The following BCL2 variants were observed in gnomAD, a reference collection of about 807,000 sequenced individuals.
The protein encoded by BCL2 is apoptosis regulator Bcl-2.
BCL2 carries 1 observed loss-of-function variant against 14.2 expected under a neutral mutation model. The ratio of observed to expected loss-of-function variants is 0.07; its 90% CI spans 0.02 to 0.33. The LOEUF is 0.33. Ranked by LOEUF, BCL2 falls within the 10% of genes least tolerant of loss-of-function variation. The probability of loss-of-function intolerance (pLI) is 0.99; values close to 1 mark genes in which losing one functional copy is unlikely to be tolerated. For synonymous variants in BCL2, 151 were observed against 137.2 expected, an observed-to-expected ratio of 1.10 and a Z score of -0.70; for missense variants, 247 against 305.9, an observed-to-expected ratio of 0.81 and a Z score of 1.44.
At position 63,275,234 on chromosome 18, in the gene BCL2, CAAA is replaced by C. The variant is rs967015967; in HGVS notation, c.585+42845_585+42847del. Among the ~76,000 whole-genome samples the C allele has an allele frequency of 3.9e-4, 41 of 106,478 alleles. No homozygotes were observed. In the East Asian group the frequency reaches 9.2e-3, roughly 24 times the overall value. 69.9% of individuals were successfully genotyped at this position (106,478 alleles called of 152,430 possible). On this transcript the variant is annotated intron_variant, in intron 2 of 2. Coordinates refer to ENST00000333681, the MANE Select transcript of BCL2 (RefSeq NM_000633.3). ...TGGGTGACAGAGTCAGACCCTGTCTCAAAAAAAAAAAAAAGGGAAATAATTTTC... is the reference window on the plus strand; with the variant it reads ...TGGGTGACAGAGTCAGACCCTGTCTCAAAAAAAAAAAGGGAAATAATTTTC...
At chr18:63,243,742 C>A (rs1421563087) in intron 2 of BCL2, among the ~76,000 whole-genome samples, 1 of 152,022 alleles carries the variant, frequency 6.6e-6, no homozygotes, top group Admixed American at 6.5e-5. Context: ...AGAACACAAA[C>A]CAATGGCTCA....
In BCL2 at chr18:63,232,068, AC is replaced by A. The variant is rs752906026; in HGVS notation, c.585+86013del. ...GATAGCATTACAAACTATGGGGAAA[AC>A]AAAAACTAAACTAATAGGTGGTTCG... On this transcript the variant is annotated intron_variant, in intron 2 of 2. Coordinates refer to ENST00000333681, the MANE Select transcript of BCL2 (RefSeq NM_000633.3). 5.6e-3 allele frequency among the ~76,000 whole-genome samples: 846 copies of A among 151,832 alleles called. 9 individuals carry two copies. Among genetic ancestry groups the A allele is most frequent in the African/African-American group, 0.019 (796 of 41,448 alleles).
chr18:63,174,820 C>CAAA lies in BCL2; in HGVS notation c.586-46064_586-46062dup, dbSNP rs953107518. On this transcript the variant is annotated intron_variant, in intron 2 of 2. Transcript: ENST00000333681. ...GGGGGACAAGAGTGAGACTTTGTCT[C>CAAA]AAAAAAAAAAAAAAAAAAAAGCATT... is the stretch of plus-strand genomic sequence containing the variant. Among the ~76,000 whole-genome samples the CAAA allele has an allele frequency of 5.8e-4, 42 of 72,220 alleles. 1 individual carries two copies. Among genetic ancestry groups the CAAA allele is most frequent in the African/African-American group, 1.3e-3 (29 of 22,248 alleles). The allele number at this position is 72,220 out of a possible 152,430, so 47.4% of individuals were successfully genotyped here.
intron 2 of BCL2, among the ~76,000 whole-genome samples, chr18:63,296,794 AT>A (rs915070077): frequency 5.9e-5 from 9 of 152,238 alleles, no homozygotes; most frequent in Non-Finnish European, 1.2e-4. Context: ...ACTGTAGCTC[AT>A]TGAAGAAAAA....
rs935466045 is a variant in BCL2 at position 63,206,276 on chromosome 18, C to T, written c.586-77517G>A. ...CACACGCAGACGATAAGCACCGTGG[C>T]CAATACCCAAGCGTTAGATAATTAA... On this transcript the variant is annotated intron_variant, in intron 2 of 2. Transcript: ENST00000333681. Among the ~76,000 whole-genome samples, 4 of 152,184 alleles carry T rather than the reference C, an allele frequency of 2.6e-5. No homozygotes were observed. The East Asian group carries it at 5.8e-4, about 22-fold the overall frequency.
intron 2 of BCL2, among the ~76,000 whole-genome samples, chr18:63,272,329 A>T (rs905836987): frequency 6.6e-6 from 1 of 152,226 alleles, no homozygotes; most frequent in African/African-American, 2.4e-5. Context: ...GACACTGGCC[A>T]TTACAGGAGG....
chr18:63,268,030 A>G (rs1911886306), intron 2 of BCL2, among the ~76,000 whole-genome samples: 1 of 152,198 alleles, frequency 6.6e-6, no homozygotes, highest in African/African-American at 2.4e-5. Flanking sequence ...TATTTTCTCT[A>G]ACATTCCTGC....
chr18:63,175,043 C>T (rs182171019), intron 2 of BCL2, among the ~76,000 whole-genome samples: 15 of 152,286 alleles, frequency 9.8e-5, no homozygotes, highest in Non-Finnish European at 1.5e-4. Flanking sequence ...CACATTTTGT[C>T]AAAAGCCACC....
intron 2 of BCL2, among the ~76,000 whole-genome samples, chr18:63,208,452 C>T (rs1041152543): frequency 1.3e-5 from 2 of 151,986 alleles, no homozygotes; most frequent in African/African-American, 4.8e-5. Context: ...TACAAGGGGA[C>T]ATGGTATATT....
At position 63,128,506 on chromosome 18, in the gene BCL2, G is replaced by A. The variant is rs1913975189; in HGVS notation, c.*119C>T. 3 of 657,458 alleles carry A rather than the reference G, an allele frequency of 4.6e-6. No homozygotes were observed. The highest frequency in any genetic ancestry group is 2.5e-5 in the East Asian group (1 of 39,508). 40.7% of individuals were successfully genotyped at this position (657,458 alleles called of 1,614,324 possible). ...GTCTGTGTGTGTGATGTTTATATGT[G>A]TGTTATTTTTTCTTAAACAGCCTGC... is the stretch of plus-strand genomic sequence containing the variant. On this transcript the variant is annotated 3_prime_UTR_variant, in exon 3 of 3. Transcript: ENST00000333681.
At chr18:63,284,218 T>C (rs1912399372) in intron 2 of BCL2, among the ~76,000 whole-genome samples, 1 of 152,190 alleles carries the variant, frequency 6.6e-6, no homozygotes, top group South Asian at 2.1e-4. Flanking sequence ...GCAGGATTTA[T>C]AACACTTCCT....
intron 2 of BCL2, among the ~76,000 whole-genome samples, chr18:63,203,898 C>CT (rs1248738799): frequency 6.6e-6 from 1 of 152,186 alleles, no homozygotes; most frequent in African/African-American, 2.4e-5. Flanking sequence ...TCTATTCTAG[C>CT]TTTCATGTTT....
At chr18:63,271,541 C>T (rs1384768889) in intron 2 of BCL2, among the ~76,000 whole-genome samples, 1 of 152,110 alleles carries the variant, frequency 6.6e-6, no homozygotes, top group East Asian at 1.9e-4. Context: ...ATGAACTCGC[C>T]GATTCAACTT....
intron 2 of BCL2, among the ~76,000 whole-genome samples, chr18:63,144,086 C>T (rs1469045492): frequency 6.6e-6 from 1 of 152,172 alleles, no homozygotes; most frequent in East Asian, 1.9e-4. Flanking sequence ...TTGCTATTTC[C>T]ACTGAGGAAA....
Position 63,318,922 on chromosome 18 carries a change from T to C in BCL2, c.-256A>G. The C allele has an allele frequency of 1.9e-5, 26 of 1,390,842 alleles. No homozygotes were observed. Among genetic ancestry groups the C allele is most frequent in the Non-Finnish European group, 2.4e-5 (26 of 1,067,396 alleles). 86.2% of individuals were successfully genotyped at this position (1,390,842 alleles called of 1,614,324 possible). A position where few individuals can be genotyped will look rare whatever the true frequency, so the allele number is the denominator to read the frequency against. On this transcript the variant is annotated 5_prime_UTR_variant, in exon 2 of 3. Coordinates refer to ENST00000333681, the MANE Select transcript of BCL2 (RefSeq NM_000633.3). This position sits in a 1 kb window ranked among gnomAD's most constrained non-coding sequence, Gnocchi z 7.4. ...TGAGGCACGTTATTATTAGTAAGTA[T>C]TGTTAATATCAGTCTACTTCCTCTG...
At chr18:63,132,714 T>C (rs990742085) in intron 2 of BCL2, among the ~76,000 whole-genome samples, 1 of 152,208 alleles carries the variant, frequency 6.6e-6, no homozygotes, top group Non-Finnish European at 1.5e-5. Flanking sequence ...TCGTAGAAAG[T>C]CTTCCTGATT....
At chr18:63,204,945 A>T (rs962100416) in intron 2 of BCL2, among the ~76,000 whole-genome samples, 1 of 152,154 alleles carries the variant, frequency 6.6e-6, no homozygotes, top group Non-Finnish European at 1.5e-5. Flanking sequence ...CTGGATATAT[A>T]CTCAAGAAAT....
chr18:63,169,330 TTCCTTC>T (rs1475603174), intron 2 of BCL2, among the ~76,000 whole-genome samples: 35 of 63,454 alleles, frequency 5.5e-4, no homozygotes, highest in African/African-American at 3.0e-3. Flanking sequence ...CTTCTTTCCT[TTCCTTC>T]CTTTCTTTCT....
intron 2 of BCL2, among the ~76,000 whole-genome samples, chr18:63,218,173 A>G (rs1910260406): frequency 6.6e-6 from 1 of 151,888 alleles, no homozygotes. Flanking sequence ...CATCAACCCA[A>G]TTCTCTTTCT....
Sources: gnomAD v4.1 joint callset for allele counts (sites outside exome capture counted in the v4.1 genomes callset) on GRCh38, gnomAD v4.1.1 for gene constraint, Gnocchi (gnomAD v3.1) non-coding constraint, MANE v1.5 for transcripts, NCBI Gene and HGNC (gene_info 2026-07-23, HGNC 2026-07-21) for gene names.